Variants in BTNL2 observed in about 807,000 individuals in gnomAD.
The protein encoded by BTNL2 is butyrophilin-like protein 2.
Under a neutral mutation model 46.8 loss-of-function variants are expected in BTNL2, and 46 were observed. The ratio of observed to expected loss-of-function variants is 0.98; its 90% CI spans 0.78 to 1.26. The LOEUF is 1.26. Ranked by LOEUF, BTNL2 falls within the 50% of genes most tolerant of loss-of-function variation. The probability of loss-of-function intolerance (pLI) is 0.00; values close to 1 mark genes in which losing one functional copy is unlikely to be tolerated. For synonymous variants in BTNL2, 226 were observed against 229.1 expected, an observed-to-expected ratio of 0.99 and a Z score of 0.12; for missense variants, 461 against 592.6, an observed-to-expected ratio of 0.78 and a Z score of 2.31.
Position 32,405,082 on chromosome 6 carries a change from A to T in BTNL2, c.284T>A (p.Val95Glu), listed in dbSNP as rs1359524219. 1.9e-6 allele frequency: 3 copies of T among 1,612,630 alleles called. No homozygotes were observed. The highest frequency in any genetic ancestry group is 1.7e-5 in the Admixed American group (1 of 59,970). ...TGCAATGCCATTCTCTATCCACTCT[A>T]CCCAGCCTCTGTACTCCTCCATCTG... ...EMQMEEYRGW[V>E]EWIENGIAKG... is the part of the protein sequence containing the mutation. The change falls in exon 2 of 8, where the codon GTA becomes GAA. Residue 95 changes from valine to glutamate, a missense_variant. Val to Glu is a moderately radical substitution (Grantham distance 121). Transcript: ENST00000454136.
chr6:32,397,236 A>T (rs1776505103), intron 4 of BTNL2, among the ~76,000 whole-genome samples: 1 of 152,230 alleles, frequency 6.6e-6, no homozygotes, highest in Admixed American at 6.5e-5. Flanking sequence ...CTTAGGAGCT[A>T]AGGCTAACTT....
At chr6:32,402,234 G>A (rs1446928724) in intron 3 of BTNL2, among the ~76,000 whole-genome samples, 1 of 152,072 alleles carries the variant, frequency 6.6e-6, no homozygotes, top group Non-Finnish European at 1.5e-5. Flanking sequence ...TAACTTTAAA[G>A]TTTTTTTAAT....
intron 4 of BTNL2, among the ~76,000 whole-genome samples, chr6:32,398,006 G>A (rs1776550358): frequency 6.6e-6 from 1 of 152,170 alleles, no homozygotes. Context: ...AATTGGGGAA[G>A]TCGGCAAAGT....
chr6:32,400,760 A>AC (rs1554223850), intron 4 of BTNL2, among the ~76,000 whole-genome samples: 8 of 115,914 alleles, frequency 6.9e-5, no homozygotes, highest in Non-Finnish European at 1.5e-4. Context: ...AAAAAAAAAA[A>AC]AAATTAGCTG....
rs1583259716 is a variant in BTNL2 at position 32,399,275 on chromosome 6, G to C, written c.730+2510C>G. ...GTTTTGTTTTGGTTATTGTTTGTATGTTCTGAATGCCTTCTGAATATCCAC... is the reference window on the plus strand; with the variant it reads ...GTTTTGTTTTGGTTATTGTTTGTATCTTCTGAATGCCTTCTGAATATCCAC... On this transcript the variant is annotated intron_variant, in intron 4 of 7. Coordinates refer to ENST00000454136, the MANE Select transcript of BTNL2 (RefSeq NM_001304561.2). The surrounding 1 kb of genome is among the most constrained non-coding windows in gnomAD (Gnocchi z 5.2). Among the ~76,000 whole-genome samples the C allele has an allele frequency of 6.6e-6, 1 of 151,664 alleles. No individual in the cohort carries two copies. The highest frequency in any genetic ancestry group is 1.5e-5 in the Non-Finnish European group (1 of 68,018).
chr6:32,393,929 A>G lies in BTNL2; in HGVS notation c.*6+34T>C. On this transcript the variant is annotated intron_variant, in intron 7 of 7. Coordinates refer to ENST00000454136, the MANE Select transcript of BTNL2 (RefSeq NM_001304561.2). The surrounding 1 kb of genome is among the most constrained non-coding windows in gnomAD (Gnocchi z 4.8). ...AAGTACGCAGTACGGTTCCCACTGC[A>G]GTGTGCTCCGCTGTTTCTGTTTCCC... 2 of 1,548,596 alleles carry G rather than the reference A, an allele frequency of 1.3e-6. No homozygotes were observed. Among genetic ancestry groups the G allele is most frequent in the Non-Finnish European group, 1.7e-6 (2 of 1,145,908 alleles).
Position 32,405,131 on chromosome 6 carries a change from C to A in BTNL2, c.235G>T (p.Asp79Tyr). The change falls in exon 2 of 8, where the codon GAT becomes TAT. Residue 79 changes from aspartate (D) to tyrosine (Y), a missense_variant. Transcript: ENST00000454136. ...TGCATCTCAGTCACCTCCACTCCAT[C>A]CCTGTGCACAAACACAGGTGTGCTG... ...EPSTPVFVHR[D>Y]GVEVTEMQME... The A allele has an allele frequency of 6.2e-7, 1 of 1,613,118 alleles. No homozygotes were observed. The highest frequency in any genetic ancestry group is 2.2e-5 in the East Asian group (1 of 44,882).
intron 4 of BTNL2, 109 bp downstream of exon 4, chr6:32,401,676 C>T (rs1776792029): frequency 3.0e-6 from 3 of 1,003,212 alleles, no homozygotes; most frequent in Non-Finnish European, 4.4e-6. Flanking sequence ...CTGGTAAAAT[C>T]GTGCCTCAGT....
At chr6:32,395,910 AT>A (rs2127703821) in intron 5 of BTNL2, 128 bp downstream of exon 5, 2 of 723,816 alleles carry the variant, frequency 2.8e-6, no homozygotes, top group South Asian at 4.0e-5. Context: ...ACACTGGAGG[AT>A]TTGATATAAA....
At position 32,405,274 on chromosome 6, in the gene BTNL2, ACT is replaced by A; in HGVS notation, c.90_91del (p.Arg30SerfsTer55). 1 of 1,612,982 alleles carries A rather than the reference ACT, an allele frequency of 6.2e-7. No individual in the cohort carries two copies. Among genetic ancestry groups the A allele is most frequent in the Non-Finnish European group, 8.5e-7 (1 of 1,180,016 alleles). On this transcript the variant is annotated frameshift_variant, in exon 2 of 8. Transcript: ENST00000454136. LOFTEE classifies it high-confidence loss of function. ...CAGGATAGGATGAGCAGGGCCAATG[ACT>A]CTAAAGTCTTCTATAAAATAAGTGA...
Position 32,393,865 on chromosome 6 carries a change from T to A in BTNL2, c.*6+98A>T. The A allele has an allele frequency of 6.9e-7, 1 of 1,445,038 alleles. No individual in the cohort carries two copies. Among genetic ancestry groups the A allele is most frequent in the Non-Finnish European group, 9.2e-7 (1 of 1,089,054 alleles). The allele number at this position is 1,445,038 out of a possible 1,614,324, so 89.5% of individuals were successfully genotyped here. On this transcript the variant is annotated intron_variant, in intron 7 of 7. Coordinates refer to ENST00000454136, the MANE Select transcript of BTNL2 (RefSeq NM_001304561.2). The surrounding 1 kb of genome is among the most constrained non-coding windows in gnomAD (Gnocchi z 4.8). ...CCTTAGTTACTGGATATTCACTGAC[T>A]GCCTCCCATAGGTGACTTGTGAAAA...
Position 32,394,134 on chromosome 6 carries a change from C to A in BTNL2, c.1361-77G>T. On this transcript the variant is annotated intron_variant, in intron 6 of 7. Transcript: ENST00000454136. This position sits in a 1 kb window ranked among gnomAD's most constrained non-coding sequence, Gnocchi z 4.6. ...AAGATTGTACTTTTCATCTGAGCAGCTTCTAGGCTGGAGAGAAGGGAGAGA... is the reference window on the plus strand; with the variant it reads ...AAGATTGTACTTTTCATCTGAGCAGATTCTAGGCTGGAGAGAAGGGAGAGA... 1 of 1,524,396 alleles carries A rather than the reference C, an allele frequency of 6.6e-7. No homozygotes were observed. The highest frequency in any genetic ancestry group is 8.8e-7 in the Non-Finnish European group (1 of 1,132,728). The allele number at this position is 1,524,396 out of a possible 1,614,324, so 94.4% of individuals were successfully genotyped here.
At chr6:32,395,151 C>A in intron 5 of BTNL2, 126 bp from the exon 6 acceptor site, 1 of 913,266 alleles carries the variant, frequency 1.1e-6, no homozygotes, top group South Asian at 2.0e-5. Flanking sequence ...AGGGGGATTG[C>A]ACTCCACTTA....
chr6:32,394,029 T>G lies in BTNL2; in HGVS notation c.1389A>C (p.Thr463=), dbSNP rs1192623652. The change falls in exon 7 of 8, where the codon ACA becomes ACC. Residue 463 remains threonine (T), a synonymous_variant. Coordinates refer to ENST00000454136, the MANE Select transcript of BTNL2 (RefSeq NM_001304561.2). The surrounding 1 kb of genome is among the most constrained non-coding windows in gnomAD (Gnocchi z 4.6). ...SESRMTFLWK[T]LLVWGLLLAV... The stretch of plus-strand genomic sequence containing the variant: ...CAAGAAGCAATCCCCAAACAAGCAG[T>G]GTTTTCCACAAAAACGTCATCCTGG... 1.3e-6 allele frequency: 2 copies of G among 1,550,070 alleles called. No individual in the cohort carries two copies. The highest frequency in any genetic ancestry group is 2.7e-5 in the African/African-American group (2 of 73,020).
In BTNL2 at chr6:32,396,165, C is replaced by A. The variant is rs748010992; in HGVS notation, c.952G>T (p.Ala318Ser). ...AGGGTCAGTCTGCCCTCGTCAATGG[C>A]GTCACTCACCAGTACAGTCCTCCCT... ...YRGRTVLVSD[A>S]IDEGRLTLQI... The change falls in exon 5 of 8, where the codon GCC (alanine) becomes TCC (serine). Residue 318 changes from alanine (A) to serine (S), a missense_variant. Ala to Ser is a moderately conservative substitution (Grantham distance 99, BLOSUM62 1). Transcript: ENST00000454136. This position sits in a 1 kb window ranked among gnomAD's most constrained non-coding sequence, Gnocchi z 4.4. 6.2e-7 allele frequency: 1 copy of A among 1,613,080 alleles called. No individual in the cohort carries two copies. The highest frequency in any genetic ancestry group is 1.7e-5 in the Admixed American group (1 of 60,020).
intron 4 of BTNL2, among the ~76,000 whole-genome samples, chr6:32,397,116 A>C (rs1230879697): frequency 1.1e-5 from 1 of 88,468 alleles, no homozygotes; most frequent in African/African-American, 3.6e-5. Flanking sequence ...CTTAGGTTGC[A>C]GTTTGTTACA....
intron 5 of BTNL2, among the ~76,000 whole-genome samples, 162 bp from the exon 6 acceptor site, chr6:32,395,187 C>A (rs1463211788): frequency 2.0e-5 from 3 of 152,112 alleles, no homozygotes; most frequent in Non-Finnish European, 4.4e-5. Flanking sequence ...GGAGCATTTT[C>A]TTATTTTGTT....
intron 4 of BTNL2, 125 bp downstream of exon 4, chr6:32,401,660 T>C (rs1776791087): frequency 4.8e-6 from 4 of 829,614 alleles, no homozygotes; most frequent in African/African-American, 1.7e-5. Context: ...TTAATGAACA[T>C]AGGACCTGGT....
rs763732785 is a variant in BTNL2, at chr6:32,396,474, A to G, written c.731-88T>C. On this transcript the variant is annotated intron_variant, in intron 4 of 7. Coordinates refer to ENST00000454136, the MANE Select transcript of BTNL2 (RefSeq NM_001304561.2). The surrounding 1 kb of genome is among the most constrained non-coding windows in gnomAD (Gnocchi z 4.4). ...TAAGAACAGCTCCATTGGAGTTTAG[A>G]AACCATGAGCATCCCAGGGTTGCTG... 10 of 1,304,946 alleles carry G rather than the reference A, an allele frequency of 7.7e-6. No individual in the cohort carries two copies. The highest frequency in any genetic ancestry group is 2.0e-5 in the Admixed American group (1 of 50,998). 80.8% of individuals were successfully genotyped at this position (1,304,946 alleles called of 1,614,324 possible). A position where few individuals can be genotyped will look rare whatever the true frequency, so the allele number is the denominator to read the frequency against.
Sources: gnomAD v4.1 joint callset for allele counts (sites outside exome capture counted in the v4.1 genomes callset) on GRCh38, gnomAD v4.1.1 for gene constraint, Gnocchi (gnomAD v3.1) non-coding constraint, MANE v1.5 for transcripts, NCBI Gene and HGNC (gene_info 2026-07-23, HGNC 2026-07-21) for gene names.